The following CYP3A43 variants were observed in gnomAD, a reference collection of about 807,000 sequenced individuals.
The protein encoded by CYP3A43 is cytochrome P450 family 3 subfamily A member 43.
In CYP3A43, 45 loss-of-function variants were observed where a neutral mutation model predicts 58.0. The observed-to-expected ratio is 0.78, with a 90% CI of 0.61 to 0.99. The LOEUF (loss-of-function observed/expected upper bound fraction) is 0.99, where lower values mean the gene tolerates loss of function less well. Ranked by LOEUF, CYP3A43 falls within the 50% of genes least tolerant of loss-of-function variation. The pLI is 0.00. For synonymous variants in CYP3A43, 191 were observed against 201.4 expected, an observed-to-expected ratio of 0.95 and a Z score of 0.44; for missense variants, 593 against 591.9, an observed-to-expected ratio of 1.00 and a Z score of -0.02.
At chr7:99,844,274 A>T (rs1437009486) in intron 4 of CYP3A43, 32 bp downstream of exon 4, 1 of 1,590,690 alleles carries the variant, frequency 6.3e-7, no homozygotes. Context: ...TATTAATCAA[A>T]TTTTTATTCT....
Position 99,849,558 on chromosome 7 carries a change from C to T in CYP3A43, c.534C>T (p.Ala178=), listed in dbSNP as rs1817666043. The T allele has an allele frequency of 6.2e-7, 1 of 1,607,740 alleles. No individual in the cohort carries two copies. The highest frequency in any genetic ancestry group is 1.7e-5 in the Admixed American group (1 of 58,278). ...KSINLKDFFG[A]YTMDVITGTL... ...TTACTCTACTCAGTTTCTTTGGGGC[C>T]TACACCATGGATGTAATCACTGGCA... The change falls in exon 7 of 13, where the codon GCC becomes GCT. Residue 178 remains alanine, a synonymous_variant. Coordinates refer to ENST00000354829, the MANE Select transcript of CYP3A43 (RefSeq NM_057095.3).
At chr7:99,860,520 A>G (rs1232604522) in intron 10 of CYP3A43, among the ~76,000 whole-genome samples, 1 of 152,218 alleles carries the variant, frequency 6.6e-6, no homozygotes, top group Non-Finnish European at 1.5e-5. Flanking sequence ...CCTTCCAAAT[A>G]TAACACCAAA....
At chr7:99,851,174 A>T (rs1563067658) in intron 7 of CYP3A43, among the ~76,000 whole-genome samples, 1 of 151,058 alleles carries the variant, frequency 6.6e-6, no homozygotes, top group African/African-American at 2.5e-5. Context: ...AAAAAAAAAA[A>T]GATATGCTGC....
chr7:99,834,860 A>C (rs1049738000), intron 1 of CYP3A43, among the ~76,000 whole-genome samples: 1 of 152,188 alleles, frequency 6.6e-6, no homozygotes, highest in African/African-American at 2.4e-5. Flanking sequence ...AGCGAAGTGA[A>C]GTTATTTTGT....
chr7:99,842,365 AT>A (rs1445132714), intron 3 of CYP3A43, among the ~76,000 whole-genome samples: 1 of 152,174 alleles, frequency 6.6e-6, no homozygotes, highest in Non-Finnish European at 1.5e-5. Context: ...ATCATTGTCA[AT>A]TACTCATTCA....
At position 99,843,770 on chromosome 7, in the gene CYP3A43, A is replaced by C. The variant is rs138445468; in HGVS notation, c.219-373A>C. 5.9e-4 allele frequency among the ~76,000 whole-genome samples: 90 copies of C among 152,316 alleles called. 1 individual carries two copies. Among genetic ancestry groups the C allele is most frequent in the African/African-American group, 2.0e-3 (84 of 41,576 alleles). On this transcript the variant is annotated intron_variant, in intron 3 of 12. Transcript: ENST00000354829. ...GTGTGAGCCACTGCACCCAGCCTAT[A>C]ATGAAATATTTTAAACATACAAAAG... is the stretch of plus-strand genomic sequence containing the variant.
At chr7:99,834,137 A>T (rs1483927283) in intron 1 of CYP3A43, among the ~76,000 whole-genome samples, 2 of 152,292 alleles carry the variant, frequency 1.3e-5, no homozygotes, top group East Asian at 3.9e-4. Context: ...GCCTATTTTG[A>T]TATATAGCAT....
rs748564918 is a variant in CYP3A43 at position 99,836,676 on chromosome 7, C to G, written c.165+130C>G. 2.5e-4 allele frequency: 164 copies of G among 664,492 alleles called. 2 individuals are homozygous for G. The highest frequency in any genetic ancestry group is 1.5e-3 in the Middle Eastern group (6 of 3,976). 41.2% of individuals were successfully genotyped at this position (664,492 alleles called of 1,614,324 possible). A position where few individuals can be genotyped will look rare whatever the true frequency, so the allele number is the denominator to read the frequency against. On this transcript the variant is annotated intron_variant, in intron 2 of 12. Coordinates refer to ENST00000354829, the MANE Select transcript of CYP3A43 (RefSeq NM_057095.3). ...CACTTTCAGAAATGGTGTGTATGCT[C>G]CACCCAGAGCAGGGCCAGGTTTATA...
rs773878350 is a variant in CYP3A43 at position 99,847,556 on chromosome 7, A to C, written c.387A>C (p.Ile129=). The C allele has an allele frequency of 3.1e-6, 5 of 1,613,956 alleles. No individual in the cohort carries two copies. The highest frequency in any genetic ancestry group is 4.2e-6 in the Non-Finnish European group (5 of 1,179,998). The change falls in exon 5 of 13, where the codon ATA becomes ATC. Residue 129 remains isoleucine, a synonymous_variant. Transcript: ENST00000354829. The part of the protein sequence containing the change: ...SFAEDEEWKR[I]RTLLSPAFTS... Reference sequence around the variant, plus strand: ...CTGAAGATGAAGAATGGAAGAGAATACGAACATTGCTATCTCCAGCTTTCA... The same window carrying C: ...CTGAAGATGAAGAATGGAAGAGAATCCGAACATTGCTATCTCCAGCTTTCA...
chr7:99,837,146 A>C (rs955246780), intron 2 of CYP3A43, among the ~76,000 whole-genome samples: 1 of 126,568 alleles, frequency 7.9e-6, no homozygotes, highest in African/African-American at 4.4e-5. Context: ...TCTACTAAAA[A>C]TACAAAAAAA....
intron 1 of CYP3A43, among the ~76,000 whole-genome samples, chr7:99,829,750 T>C (rs1479814627): frequency 1.3e-5 from 2 of 152,230 alleles, no homozygotes; most frequent in Non-Finnish European, 2.9e-5. Flanking sequence ...CCTGTTTAAC[T>C]GCACCATATA....
In CYP3A43 at chr7:99,865,923, C is replaced by T; in HGVS notation, c.1434C>T (p.Asp478=). Residue 478 remains aspartate (D), a synonymous_variant, in exon 13 of 13, where the codon GAC becomes GAT. Transcript: ENST00000354829. Reference sequence around the variant, plus strand: ...TTTTGCAGATCCCACTGAAATTAGACAATCTACCAATTCTTCAACCAGAAA... The same window carrying T: ...TTTTGCAGATCCCACTGAAATTAGATAATCTACCAATTCTTCAACCAGAAA... The part of the protein sequence containing the change: ...CKETQIPLKL[D]NLPILQPEKP... 9 of 1,563,472 alleles carry T rather than the reference C, an allele frequency of 5.8e-6. No individual in the cohort carries two copies. The highest frequency in any genetic ancestry group is 7.7e-6 in the Non-Finnish European group (9 of 1,171,610).
chr7:99,844,396 A>T (rs1372930253), intron 4 of CYP3A43, among the ~76,000 whole-genome samples, 154 bp downstream of exon 4: 1 of 152,186 alleles, frequency 6.6e-6, no homozygotes, highest in African/African-American at 2.4e-5. Flanking sequence ...GATACAGTGT[A>T]TTTCTGTCAC....
At chr7:99,849,854 CATT>C (rs2151610157) in intron 7 of CYP3A43, 160 bp downstream of exon 7, 1 of 772,792 alleles carries the variant, frequency 1.3e-6, no homozygotes, top group East Asian at 2.7e-5. Context: ...CAACCAACAT[CATT>C]GTTAACTTCT....
chr7:99,829,038 T>C (rs539421920), intron 1 of CYP3A43, among the ~76,000 whole-genome samples: 20 of 152,318 alleles, frequency 1.3e-4, no homozygotes, highest in African/African-American at 4.6e-4. Flanking sequence ...AAACTCCCTA[T>C]CAGAAGCCAC....
chr7:99,864,044 A>T (rs1047211546), intron 12 of CYP3A43, among the ~76,000 whole-genome samples: 1 of 148,670 alleles, frequency 6.7e-6, no homozygotes, highest in African/African-American at 2.6e-5. Flanking sequence ...CTTTGTCAGG[A>T]CTTTCGAATG....
chr7:99,832,717 A>G (rs1019604809), intron 1 of CYP3A43, among the ~76,000 whole-genome samples: 1 of 152,054 alleles, frequency 6.6e-6, no homozygotes. Context: ...ACAAAACAAC[A>G]AAACAAGAAA....
chr7:99,833,602 G>A (rs996838635), intron 1 of CYP3A43, among the ~76,000 whole-genome samples: 20 of 152,262 alleles, frequency 1.3e-4, no homozygotes, highest in South Asian at 8.3e-4. Flanking sequence ...GGGAAGTTGG[G>A]TTTTTTTCAT....
At chr7:99,845,283 G>T (rs369585599) in intron 4 of CYP3A43, among the ~76,000 whole-genome samples, 4 of 152,058 alleles carry the variant, frequency 2.6e-5, no homozygotes, top group South Asian at 4.2e-4. Context: ...TCAAAAATCA[G>T]TTGAGCAGAT....
Sources: allele counts gnomAD v4.1 joint callset (sites outside exome capture counted in the v4.1 genomes callset), GRCh38; gene constraint gnomAD v4.1.1; transcripts MANE v1.5; gene names NCBI Gene and HGNC (gene_info 2026-07-23, HGNC 2026-07-21).